The following MED25 variants were observed in gnomAD, a reference collection of about 807,000 sequenced individuals.
MED25 encodes mediator complex subunit 25, also known as mediator of RNA polymerase II transcription subunit 25.
In MED25, 62 loss-of-function variants were observed where a neutral mutation model predicts 89.4. The observed-to-expected ratio is 0.69, with a 90% CI of 0.57 to 0.86. MED25 has a LOEUF of 0.86. Ranked by LOEUF, MED25 falls within the 40% of genes least tolerant of loss-of-function variation. The pLI is 0.00. For synonymous variants in MED25, 449 were observed against 427.9 expected, an observed-to-expected ratio of 1.05 and a Z score of -0.61; for missense variants, 905 against 1,005.2, an observed-to-expected ratio of 0.90 and a Z score of 1.35.
Position 49,834,498 on chromosome 19 carries a change from C to CA in MED25, c.1483-487dup. 4.9e-6 allele frequency: 1 copy of CA among 204,044 alleles called. No homozygotes were observed. The highest frequency in any genetic ancestry group is 1.1e-4 in the East Asian group (1 of 8,850). 12.6% of individuals were successfully genotyped at this position (204,044 alleles called of 1,614,324 possible). On this transcript the variant is annotated intron_variant, in intron 13 of 17. Transcript: ENST00000312865. This position sits in a 1 kb window ranked among gnomAD's most constrained non-coding sequence, Gnocchi z 4.1. Reference sequence around the variant, plus strand: ...TGCTGTGGATCAGACATCGCATAGTCACAGCGACCCTGTGATGTGGGAGCA... The same window carrying CA: ...TGCTGTGGATCAGACATCGCATAGTCAACAGCGACCCTGTGATGTGGGAGCA...
At position 49,836,698 on chromosome 19, in the gene MED25, C is replaced by T. The variant is rs1430992916; in HGVS notation, c.2147-149C>T. On this transcript the variant is annotated intron_variant, in intron 17 of 17. Coordinates refer to ENST00000312865, the MANE Select transcript of MED25 (RefSeq NM_030973.4). This position sits in a 1 kb window ranked among gnomAD's most constrained non-coding sequence, Gnocchi z 5.1. Reference sequence around the variant, plus strand: ...TTTTGGAGAAGGGCCCCCAAAGGCTCATGGGAAACAGCATATTTGTAACTA... The same window carrying T: ...TTTTGGAGAAGGGCCCCCAAAGGCTTATGGGAAACAGCATATTTGTAACTA... The T allele has an allele frequency of 1.5e-5, 11 of 750,392 alleles. No individual in the cohort carries two copies. The highest frequency in any genetic ancestry group is 1.0e-4 in the African/African-American group (6 of 57,928). The allele number at this position is 750,392 out of a possible 1,614,324, so 46.5% of individuals were successfully genotyped here. A position where few individuals can be genotyped will look rare whatever the true frequency, so the allele number is the denominator to read the frequency against.
At chr19:49,833,821 C>A (rs1600329298) in intron 13 of MED25, 1 of 152,262 alleles carries the variant, frequency 6.6e-6, no homozygotes, top group South Asian at 2.1e-4. Flanking sequence ...ACCGGCCATC[C>A]CAGTGTCTGC....
chr19:49,826,234 G>A (rs887852982), intron 3 of MED25, among the ~76,000 whole-genome samples: 2 of 152,214 alleles, frequency 1.3e-5, no homozygotes, highest in Non-Finnish European at 2.9e-5. Flanking sequence ...CCAGCTACGA[G>A]GGAGGCTGAG....
At position 49,819,246 on chromosome 19, in the gene MED25, C is replaced by T. The variant is rs1009581878; in HGVS notation, c.255C>T (p.His85=). 8.1e-6 allele frequency: 13 copies of T among 1,614,092 alleles called. No homozygotes were observed. The highest frequency in any genetic ancestry group is 4.0e-5 in the African/African-American group (3 of 74,940). ...DCAPESYVQC[H]APTSSAYEFV... is the part of the protein sequence containing the mutation. ...CTCCCGAGTCCTACGTACAATGTCACGCTCCCACCAGCAGCGCCTATGAGT... is the reference window on the plus strand; with the variant it reads ...CTCCCGAGTCCTACGTACAATGTCATGCTCCCACCAGCAGCGCCTATGAGT... The change falls in exon 3 of 18, where the codon CAC becomes CAT. Residue 85 remains histidine (H), a synonymous_variant. Coordinates refer to ENST00000312865, the MANE Select transcript of MED25 (RefSeq NM_030973.4).
At position 49,831,499 on chromosome 19, in the gene MED25, C is replaced by T. The variant is rs767248577; in HGVS notation, c.1230+38C>T. Reference sequence around the variant, plus strand: ...AGGGTCCATTGGGCACTTGGGACTCCTGGGGCCGTGGGGCTGGGCATGTAG... The same window carrying T: ...AGGGTCCATTGGGCACTTGGGACTCTTGGGGCCGTGGGGCTGGGCATGTAG... On this transcript the variant is annotated intron_variant, in intron 10 of 17. Transcript: ENST00000312865. The surrounding 1 kb of genome is among the most constrained non-coding windows in gnomAD (Gnocchi z 5.0). 1.9e-6 allele frequency: 3 copies of T among 1,602,446 alleles called. No individual in the cohort carries two copies. Among genetic ancestry groups the T allele is most frequent in the Admixed American group, 3.4e-5 (2 of 58,792 alleles).
At chr19:49,833,698 C>G (rs566213208) in intron 13 of MED25, 1 of 152,236 alleles carries the variant, frequency 6.6e-6, no homozygotes, top group African/African-American at 2.4e-5. Context: ...GCGACTCTCA[C>G]GGGGTTGCCA....
At chr19:49,819,825 A>ATTT in intron 3 of MED25, 1 of 161,964 alleles carries the variant, frequency 6.2e-6, no homozygotes, top group Non-Finnish European at 1.3e-5. Flanking sequence ...TTGGGTCAGA[A>ATTT]TTTTTTTTTT....
At chr19:49,819,992 ATTT>A (rs34513218) in intron 3 of MED25, 16 of 140,072 alleles carry the variant, frequency 1.1e-4, no homozygotes, top group Non-Finnish European at 1.4e-4. Context: ...TGCCCAGCTA[ATTT>A]TTTTTTTTTT....
chr19:49,830,762 C>T lies in MED25; in HGVS notation c.976C>T (p.Pro326Ser). The change falls in exon 9 of 18, where the codon CCC (proline) becomes TCC (serine). Residue 326 changes from proline to serine, a missense_variant. Physicochemically the swap from Pro to Ser is moderately conservative, Grantham distance 74. Transcript: ENST00000312865. The surrounding 1 kb of genome is among the most constrained non-coding windows in gnomAD (Gnocchi z 4.6). The part of the protein sequence containing the change: ...VGPPFSQAPA[P>S]QLPPGPPGAP... ...TCCCCCCTTCAGCCAGGCCCCAGCTCCCCAACTACCCCCAGGACCCCCTGG... is the reference window on the plus strand; with the variant it reads ...TCCCCCCTTCAGCCAGGCCCCAGCTTCCCAACTACCCCCAGGACCCCCTGG... 6.2e-7 allele frequency: 1 copy of T among 1,613,244 alleles called. No individual in the cohort carries two copies. Among genetic ancestry groups the T allele is most frequent in the Non-Finnish European group, 8.5e-7 (1 of 1,179,474 alleles).
At position 49,823,768 on chromosome 19, in the gene MED25, C is replaced by T. The variant is rs540795296; in HGVS notation, c.305+4472C>T. ...CTTCCCCTTCGCGGTAGCTGGAATT[C>T]GTAGGTAACACAGAGCAGGGTTTCT... On this transcript the variant is annotated intron_variant, in intron 3 of 17. Coordinates refer to ENST00000312865, the MANE Select transcript of MED25 (RefSeq NM_030973.4). Among the ~76,000 whole-genome samples the T allele has an allele frequency of 3.3e-5, 5 of 152,212 alleles. No individual in the cohort carries two copies. In the South Asian group the frequency reaches 6.2e-4, roughly 19 times the overall value.
rs1231578666 is a variant in MED25, at chr19:49,836,157, G to C, written c.1966-69G>C. On this transcript the variant is annotated intron_variant, in intron 16 of 17. Transcript: ENST00000312865. This position sits in a 1 kb window ranked among gnomAD's most constrained non-coding sequence, Gnocchi z 5.1. The stretch of plus-strand genomic sequence containing the variant: ...CACCACTAGCTGATTCCATCTCTGA[G>C]CAGTGTCTGTGTTGAGAGGTGGGGA... 17 of 1,559,506 alleles carry C rather than the reference G, an allele frequency of 1.1e-5. No individual in the cohort carries two copies. Among genetic ancestry groups the C allele is most frequent in the Non-Finnish European group, 1.4e-5 (16 of 1,137,162 alleles).
chr19:49,830,294 C>T lies in MED25; in HGVS notation c.819+76C>T, dbSNP rs565333054. On this transcript the variant is annotated intron_variant, in intron 7 of 17. Coordinates refer to ENST00000312865, the MANE Select transcript of MED25 (RefSeq NM_030973.4). This position sits in a 1 kb window ranked among gnomAD's most constrained non-coding sequence, Gnocchi z 4.6. ...TGGCCCCTGGGGAGAAATCTAGTTG[C>T]ATGTTGGAGCTTGTGGGATGATGGG... is the stretch of plus-strand genomic sequence containing the variant. 4.1e-6 allele frequency: 6 copies of T among 1,459,338 alleles called. No individual in the cohort carries two copies. In the South Asian group the frequency reaches 4.7e-5, roughly 11 times the overall value. 90.4% of individuals were successfully genotyped at this position (1,459,338 alleles called of 1,614,324 possible). A position where few individuals can be genotyped will look rare whatever the true frequency, so the allele number is the denominator to read the frequency against.
chr19:49,840,249 TAATA>T (rs1007135237), downstream of MED25: 7 of 152,208 alleles, frequency 4.6e-5, no homozygotes, highest in African/African-American at 1.7e-4. Flanking sequence ...GAGAAAATTT[TAATA>T]ATTAAATATT....
chr19:49,826,324 A>G (rs2074015211), intron 3 of MED25, among the ~76,000 whole-genome samples: 1 of 152,224 alleles, frequency 6.6e-6, no homozygotes, highest in Non-Finnish European at 1.5e-5. Context: ...TGGGAGACAG[A>G]GCGAGACTCC....
chr19:49,837,019 A>G (rs1211974514), downstream of MED25: 12 of 1,218,066 alleles, frequency 9.9e-6, no homozygotes, highest in Non-Finnish European at 1.4e-5. Flanking sequence ...AGGACTGGGC[A>G]GGAGGAAACC....
intron 3 of MED25, among the ~76,000 whole-genome samples, chr19:49,823,696 G>T (rs762631890): frequency 6.6e-6 from 1 of 152,124 alleles, no homozygotes; most frequent in African/African-American, 2.4e-5. Context: ...CAGTATGTGC[G>T]TGCAAGTGCT....
chr19:49,838,393 T>A (rs113488201), downstream of MED25: 22 of 358,084 alleles, frequency 6.1e-5, no homozygotes, highest in Non-Finnish European at 1.1e-4. Flanking sequence ...CTGGCAACAA[T>A]GGGCTGGAGC....
Position 49,835,445 on chromosome 19 carries a change from C to A in MED25, c.1675-89C>A. The A allele has an allele frequency of 7.7e-7, 1 of 1,303,468 alleles. No individual in the cohort carries two copies. The highest frequency in any genetic ancestry group is 1.1e-6 in the Non-Finnish European group (1 of 951,068). 80.7% of individuals were successfully genotyped at this position (1,303,468 alleles called of 1,614,324 possible). On this transcript the variant is annotated intron_variant, in intron 14 of 17. Coordinates refer to ENST00000312865, the MANE Select transcript of MED25 (RefSeq NM_030973.4). This position sits in a 1 kb window ranked among gnomAD's most constrained non-coding sequence, Gnocchi z 6.2. ...CAAAGAGAATGTCCCCATCTCCTTA[C>A]TAGTTCCCCTCAGGGCACAGGCCCT...
chr19:49,839,058 G>A (rs942224430), downstream of MED25: 16 of 311,258 alleles, frequency 5.1e-5, no homozygotes, highest in Non-Finnish European at 9.4e-5. Context: ...TACAAGTCCA[G>A]TTGCTTGAAA....
Sources: allele counts gnomAD v4.1 joint callset (sites outside exome capture counted in the v4.1 genomes callset), GRCh38; gene constraint gnomAD v4.1.1; non-coding constraint Gnocchi (gnomAD v3.1); transcripts MANE v1.5; gene names NCBI Gene and HGNC (gene_info 2026-07-23, HGNC 2026-07-21).